WWOX: variants seen among roughly 807,000 people sequenced by gnomAD.
The protein encoded by WWOX is WW domain-containing oxidoreductase.
WWOX carries 69 observed loss-of-function variants against 46.2 expected under a neutral mutation model. The observed-to-expected ratio is 1.49, with a 90% CI of 1.23 to 1.82. The LOEUF (loss-of-function observed/expected upper bound fraction) is 1.82. Ranked by LOEUF, WWOX falls within the 40% of genes most tolerant of loss-of-function variation. The probability of loss-of-function intolerance (pLI) is 0.00; values close to 1 mark genes in which losing one functional copy is unlikely to be tolerated. For missense variants in WWOX, 919 were observed against 542.6 expected, an observed-to-expected ratio of 1.69 and a Z score of -6.89; for synonymous variants, 359 against 202.6, an observed-to-expected ratio of 1.77 and a Z score of -6.56.
intron 5 of WWOX, among the ~76,000 whole-genome samples, chr16:78,304,296 C>T (rs2080094017): frequency 6.6e-6 from 1 of 152,168 alleles, no homozygotes; most frequent in Non-Finnish European, 1.5e-5. Flanking sequence ...GAATGCTATA[C>T]TTTTTTGTAA....
chr16:79,027,580 C>T (rs903508468), intron 8 of WWOX, among the ~76,000 whole-genome samples: 1 of 151,770 alleles, frequency 6.6e-6, no homozygotes, highest in Non-Finnish European at 1.5e-5. Flanking sequence ...GTCATTTGGA[C>T]CTCTGACCTG....
At chr16:79,027,012 G>A (rs1181675926) in intron 8 of WWOX, among the ~76,000 whole-genome samples, 1 of 151,420 alleles carries the variant, frequency 6.6e-6, no homozygotes, top group Non-Finnish European at 1.5e-5. Context: ...AGGTACAGTG[G>A]CTCATGCCTG....
chr16:78,585,137 C>T (rs370731273), intron 8 of WWOX, among the ~76,000 whole-genome samples: 1 of 152,240 alleles, frequency 6.6e-6, no homozygotes, highest in South Asian at 2.1e-4. Flanking sequence ...GAACTAAATT[C>T]AGCGTCAGAT....
rs537846415 is a variant in WWOX at position 79,063,298 on chromosome 16, T to G, written c.1057-148310T>G. Among the ~76,000 whole-genome samples, 7 of 152,360 alleles carry G rather than the reference T, an allele frequency of 4.6e-5. No individual in the cohort carries two copies. The South Asian group carries it at 1.4e-3, about 32-fold the overall frequency. ...AAGCCGCCTCTGCTCTTTATAGCCG[T>G]GTTTTTGAAGTGTTCTTATTTTTTG... On this transcript the variant is annotated intron_variant, in intron 8 of 8. Transcript: ENST00000566780.
At chr16:78,739,701 C>T (rs2049170484) in intron 8 of WWOX, among the ~76,000 whole-genome samples, 1 of 152,090 alleles carries the variant, frequency 6.6e-6, no homozygotes, top group African/African-American at 2.4e-5. Flanking sequence ...ATCCCAGCTA[C>T]TGCAGAGGCT....
intron 5 of WWOX, among the ~76,000 whole-genome samples, chr16:78,386,593 CTT>C (rs939023932): frequency 6.6e-6 from 1 of 152,106 alleles, no homozygotes; most frequent in African/African-American, 2.4e-5. Context: ...TTTGCAGCCT[CTT>C]TTGCGCGGCT....
In WWOX at chr16:78,215,597, C is replaced by G. The variant is rs992040246; in HGVS notation, c.516+51308C>G. Among the ~76,000 whole-genome samples the G allele has an allele frequency of 3.3e-5, 5 of 152,280 alleles. No homozygotes were observed. In the East Asian group the frequency reaches 9.7e-4, roughly 29 times the overall value. On this transcript the variant is annotated intron_variant, in intron 5 of 8. Transcript: ENST00000566780. ...ATAAACCTCTTTCCTTTATACATTA[C>G]CCAGTCTCGGGTAGTATCTTCATAG...
chr16:78,712,204 C>G (rs12149431), intron 8 of WWOX, among the ~76,000 whole-genome samples: 2,201 of 152,134 alleles, frequency 0.014, 22 homozygotes, highest in South Asian at 0.034. Context: ...CGGCTGTAGA[C>G]AAAATGCTAT....
At chr16:78,717,080 A>C (rs2048582235) in intron 8 of WWOX, among the ~76,000 whole-genome samples, 1 of 152,194 alleles carries the variant, frequency 6.6e-6, no homozygotes, top group African/African-American at 2.4e-5. Flanking sequence ...TGGCTTCATC[A>C]CATGGTGATG....
chr16:78,388,252 A>C (rs978603374), intron 6 of WWOX, among the ~76,000 whole-genome samples: 23 of 152,128 alleles, frequency 1.5e-4, no homozygotes, highest in African/African-American at 4.8e-4. Context: ...ACTGGTCTCA[A>C]ACTCCTGGCC....
chr16:79,088,050 G>T (rs1052751581), intron 8 of WWOX, among the ~76,000 whole-genome samples: 1 of 152,138 alleles, frequency 6.6e-6, no homozygotes, highest in Non-Finnish European at 1.5e-5. Flanking sequence ...GGTGCATCCT[G>T]GTCTTGGCCT....
At chr16:78,700,172 G>A (rs1269073184) in intron 8 of WWOX, among the ~76,000 whole-genome samples, 2 of 151,990 alleles carry the variant, frequency 1.3e-5, no homozygotes, top group Non-Finnish European at 2.9e-5. Context: ...CGTTGACTGG[G>A]TGGCTTGATT....
At chr16:78,541,405 C>T (rs552192913) in intron 8 of WWOX, among the ~76,000 whole-genome samples, 36 of 123,198 alleles carry the variant, frequency 2.9e-4, no homozygotes, top group South Asian at 1.7e-3. Context: ...ACCCGGGAGG[C>T]GGAGCTTGCA....
intron 8 of WWOX, among the ~76,000 whole-genome samples, chr16:79,084,647 T>G (rs955517011): frequency 6.6e-6 from 1 of 152,202 alleles, no homozygotes; most frequent in African/African-American, 2.4e-5. Flanking sequence ...ACTCCTGGCC[T>G]CGTGATGCAC....
At chr16:78,847,049 G>T (rs141383658) in intron 8 of WWOX, among the ~76,000 whole-genome samples, 7 of 152,320 alleles carry the variant, frequency 4.6e-5, no homozygotes, top group African/African-American at 1.7e-4. Context: ...GACATGCCCC[G>T]TTCTTTTTTG....
chr16:79,185,944 CTGTG>C (rs201447855), intron 8 of WWOX, among the ~76,000 whole-genome samples: 2 of 149,044 alleles, frequency 1.3e-5, no homozygotes, highest in African/African-American at 2.5e-5. Flanking sequence ...GATGCCATGT[CTGTG>C]TGTGTGTGTG....
At chr16:78,357,106 C>A (rs755401548) in intron 5 of WWOX, among the ~76,000 whole-genome samples, 1 of 152,276 alleles carries the variant, frequency 6.6e-6, no homozygotes, top group East Asian at 1.9e-4. Flanking sequence ...AGGCATAGAC[C>A]TTCCTTTCTC....
intron 8 of WWOX, among the ~76,000 whole-genome samples, chr16:79,117,086 G>A (rs116985496): frequency 0.01 from 1,545 of 152,166 alleles, 19 homozygotes; most frequent in Middle Eastern, 0.037. Flanking sequence ...GCCTGGTCTG[G>A]AATGCACTGG....
intron 4 of WWOX, among the ~76,000 whole-genome samples, chr16:78,120,033 CT>C (rs1487635008): frequency 6.6e-6 from 1 of 152,038 alleles, no homozygotes; most frequent in Non-Finnish European, 1.5e-5. Flanking sequence ...AGAAACAAAA[CT>C]TTTTTTCCTG....
Sources: allele counts gnomAD v4.1 joint callset (sites outside exome capture counted in the v4.1 genomes callset), GRCh38; gene constraint gnomAD v4.1.1; transcripts MANE v1.5; gene names NCBI Gene and HGNC (gene_info 2026-07-23, HGNC 2026-07-21).